TRAF6: variants seen among roughly 807,000 people sequenced by gnomAD.
TRAF6 encodes TNF receptor-associated factor 6.
Under a neutral mutation model 48.4 loss-of-function variants are expected in TRAF6, and 10 were observed. That is an observed-to-expected ratio of 0.21 (90% CI 0.13 to 0.35). TRAF6 has a LOEUF of 0.35. Ranked by LOEUF, TRAF6 falls within the 10% of genes least tolerant of loss-of-function variation. The pLI is 1.00. For synonymous variants in TRAF6, 186 were observed against 219.6 expected (o/e 0.85, Z 1.35); for missense variants, 397 against 661.0 (o/e 0.60, Z 4.38).
At chr11:36,499,620 T>C (rs1308761074) in intron 2 of TRAF6, among the ~76,000 whole-genome samples, 3 of 152,066 alleles carry the variant, frequency 2.0e-5, no homozygotes, top group Non-Finnish European at 4.4e-5. Context: ...AATGTGGAGG[T>C]TGAGAAAAAT....
At position 36,492,599 on chromosome 11, in the gene TRAF6, A is replaced by G; in HGVS notation, c.708T>C (p.Pro236=). 8 of 1,612,456 alleles carry G rather than the reference A, an allele frequency of 5.0e-6. No individual in the cohort carries two copies. The highest frequency in any genetic ancestry group is 6.8e-6 in the Non-Finnish European group (8 of 1,179,576). ...TGAATGTGCATGGAATTGGGGCTGTAGGGCAGTCTAGATCATAATGATTAG... is the reference window on the plus strand; with the variant it reads ...TGAATGTGCATGGAATTGGGGCTGTGGGGCAGTCTAGATCATAATGATTAG... The part of the protein sequence containing the change: ...QMPNHYDLDC[P]TAPIPCTFST... The change falls in exon 6 of 7, where the codon CCT becomes CCC. Residue 236 remains proline, a synonymous_variant. Transcript: ENST00000526995.
chr11:36,492,504 A>ATT, intron 6 of TRAF6, 47 bp downstream of exon 6: 1 of 1,386,202 alleles, frequency 7.2e-7, no homozygotes, highest in Non-Finnish European at 1.0e-6. Flanking sequence ...TGATGTAAAT[A>ATT]TTTTTTTTTA....
rs74767055 is a variant in TRAF6, at chr11:36,508,816, C to T, written c.-23+1232G>A. 2.6e-5 allele frequency among the ~76,000 whole-genome samples: 4 copies of T among 152,306 alleles called. No homozygotes were observed. In the East Asian group the frequency reaches 7.7e-4, roughly 29 times the overall value. On this transcript the variant is annotated intron_variant, in intron 1 of 6. Coordinates refer to ENST00000526995, the MANE Select transcript of TRAF6 (RefSeq NM_004620.4). The stretch of plus-strand genomic sequence containing the variant: ...CCAAATTCAAGGGGCATTCCCCTTC[C>T]TGGGCACTATTTACTCTGCTCCAGG...
At position 36,507,148 on chromosome 11, in the gene TRAF6, GTATATATACATGTATTATACATACATAAA is replaced by G. The variant is rs1264460283; in HGVS notation, c.-23+2871_-23+2899del. Among the ~76,000 whole-genome samples, 60 of 135,842 alleles carry G rather than the reference GTATATATACATGTATTATACATACATAAA, an allele frequency of 4.4e-4. 2 individuals are homozygous for G. The highest frequency in any genetic ancestry group is 1.3e-3 in the African/African-American group (49 of 36,594). 89.1% of individuals were successfully genotyped at this position (135,842 alleles called of 152,430 possible). ...ATTATACATACATAAATGTATATAT[GTATATATACATGTATTATACATACATAAA>G]TGTATATATGTATATATACATGTAT... is the stretch of plus-strand genomic sequence containing the variant. On this transcript the variant is annotated intron_variant, in intron 1 of 6. Coordinates refer to ENST00000526995, the MANE Select transcript of TRAF6 (RefSeq NM_004620.4).
intron 2 of TRAF6, among the ~76,000 whole-genome samples, chr11:36,498,982 CTG>C (rs1859679098): frequency 6.6e-6 from 1 of 152,184 alleles, no homozygotes; most frequent in Non-Finnish European, 1.5e-5. Context: ...AGTCTGGCCT[CTG>C]TGTTGTCACA....
intron 1 of TRAF6, among the ~76,000 whole-genome samples, chr11:36,503,961 C>T (rs900603644): frequency 6.6e-6 from 1 of 152,138 alleles, no homozygotes; most frequent in African/African-American, 2.4e-5. Context: ...TATGTTTACA[C>T]TATACAGTAG....
rs553145419 is a variant in TRAF6 at position 36,494,930 on chromosome 11, CTTT to C, written c.678+43_678+45del. 128 of 1,357,252 alleles carry C rather than the reference CTTT, an allele frequency of 9.4e-5. No homozygotes were observed. The African/African-American group carries it at 1.6e-3, about 16-fold the overall frequency. The allele number at this position is 1,357,252 out of a possible 1,614,324, so 84.1% of individuals were successfully genotyped here. On this transcript the variant is annotated intron_variant, in intron 5 of 6. Transcript: ENST00000526995. ...TTCAATTAAAAAACCTAATTCACTT[CTTT>C]AAGCTGTTTATGAAAATAATAATTT...
intron 1 of TRAF6, among the ~76,000 whole-genome samples, chr11:36,508,207 G>T (rs1280061587): frequency 6.6e-6 from 1 of 151,906 alleles, no homozygotes; most frequent in Non-Finnish European, 1.5e-5. Context: ...AGGAATTAAT[G>T]AAGGGATGGA....
rs1420273404 is a variant in TRAF6, at chr11:36,490,735, T to C, written c.757-85A>G. On this transcript the variant is annotated intron_variant, in intron 6 of 6. Coordinates refer to ENST00000526995, the MANE Select transcript of TRAF6 (RefSeq NM_004620.4). This position sits in a 1 kb window ranked among gnomAD's most constrained non-coding sequence, Gnocchi z 6.4. The stretch of plus-strand genomic sequence containing the variant: ...CCTGGCCAGGTCAAATAAGAAGTTT[T>C]CAAGTAGTCACACCACTTCCCTCAA... 2 of 1,226,832 alleles carry C rather than the reference T, an allele frequency of 1.6e-6. No individual in the cohort carries two copies. The highest frequency in any genetic ancestry group is 2.3e-6 in the Non-Finnish European group (2 of 882,370). The allele number at this position is 1,226,832 out of a possible 1,614,324, so 76.0% of individuals were successfully genotyped here. A position where few individuals can be genotyped will look rare whatever the true frequency, so the allele number is the denominator to read the frequency against.
At chr11:36,494,605 T>C (rs1449043413) in intron 5 of TRAF6, among the ~76,000 whole-genome samples, 2 of 151,756 alleles carry the variant, frequency 1.3e-5, no homozygotes, top group Non-Finnish European at 2.9e-5. Context: ...TCTGGACACT[T>C]GAGATCCTCA....
chr11:36,503,572 G>A (rs5030434), intron 1 of TRAF6, among the ~76,000 whole-genome samples: 613 of 152,226 alleles, frequency 4.0e-3, no homozygotes, highest in African/African-American at 0.014. Context: ...ACGAACCCCC[G>A]AGCCCGGCTG....
intron 1 of TRAF6, 127 bp from the exon 2 acceptor site, chr11:36,501,664 T>C (rs1859718147): frequency 2.9e-6 from 2 of 684,254 alleles, no homozygotes; most frequent in Admixed American, 7.3e-5. Context: ...ATTAATGTTA[T>C]TTACAGAAAA....
rs1564968113 is a variant in TRAF6, at chr11:36,501,137, T to C, written c.296+83A>G. On this transcript the variant is annotated intron_variant, in intron 2 of 6. Coordinates refer to ENST00000526995, the MANE Select transcript of TRAF6 (RefSeq NM_004620.4). Reference sequence around the variant, plus strand: ...TAGCTTTTTATGTGTAAGACTACTTTTGGGATGTTCCATGTTCTATGTAAC... The same window carrying C: ...TAGCTTTTTATGTGTAAGACTACTTCTGGGATGTTCCATGTTCTATGTAAC... 1.3e-5 allele frequency: 17 copies of C among 1,331,308 alleles called. No individual in the cohort carries two copies. In the East Asian group the frequency reaches 2.5e-4, roughly 20 times the overall value. The allele number at this position is 1,331,308 out of a possible 1,614,324, so 82.5% of individuals were successfully genotyped here.
intron 1 of TRAF6, 32 bp from the exon 2 acceptor site, chr11:36,501,569 T>A (rs758211019): frequency 1.0e-4 from 149 of 1,488,924 alleles, no homozygotes; most frequent in Non-Finnish European, 1.3e-4. Flanking sequence ...AATGCCTTTA[T>A]AAGTAACACA....
At chr11:36,509,785 G>A (rs1055698437) in intron 1 of TRAF6, among the ~76,000 whole-genome samples, 3 of 151,120 alleles carry the variant, frequency 2.0e-5, no homozygotes, top group Non-Finnish European at 4.4e-5. Context: ...CAGGAAGCGA[G>A]GGGCAGGGAA....
rs891448167 is a variant in TRAF6 at position 36,486,774 on chromosome 11, C to T, written c.*3064G>A. 6.6e-6 allele frequency among the ~76,000 whole-genome samples: 1 copy of T among 152,086 alleles called. No homozygotes were observed. Among genetic ancestry groups the T allele is most frequent in the Non-Finnish European group, 1.5e-5 (1 of 68,034 alleles). On this transcript the variant is annotated 3_prime_UTR_variant, in exon 7 of 7. Coordinates refer to ENST00000526995, the MANE Select transcript of TRAF6 (RefSeq NM_004620.4). ...TGTTTGCCAACAGCAAAATGTATGA[C>T]GTGCAGCAAGTTTCATCCAACAGTG...
At position 36,501,457 on chromosome 11, in the gene TRAF6, C is replaced by CA. The variant is rs768538902; in HGVS notation, c.58dup (p.Cys20LeufsTer9). The CA allele has an allele frequency of 2.5e-6, 4 of 1,614,076 alleles. No individual in the cohort carries two copies. The highest frequency in any genetic ancestry group is 1.7e-5 in the Admixed American group (1 of 60,006). On this transcript the variant is annotated frameshift_variant, in exon 2 of 7. Coordinates refer to ENST00000526995, the MANE Select transcript of TRAF6 (RefSeq NM_004620.4). LOFTEE classifies it high-confidence loss of function. ...GCTACAGGAGCTGGCCATGGCCACA[C>CA]AGCAGTCACTTTCAGACTGGCTGGA... is the stretch of plus-strand genomic sequence containing the variant.
intron 6 of TRAF6, 47 bp downstream of exon 6, chr11:36,492,503 TA>T (rs767007448): frequency 3.0e-5 from 42 of 1,387,868 alleles, no homozygotes; most frequent in African/African-American, 1.3e-4. Context: ...ATGATGTAAA[TA>T]TTTTTTTTTA....
Position 36,486,249 on chromosome 11 carries a change from G to A in TRAF6, c.*3589C>T, listed in dbSNP as rs1859482066. Among the ~76,000 whole-genome samples, 1 of 152,080 alleles carries A rather than the reference G, an allele frequency of 6.6e-6. No homozygotes were observed. The highest frequency in any genetic ancestry group is 1.5e-5 in the Non-Finnish European group (1 of 68,024). On this transcript the variant is annotated 3_prime_UTR_variant, in exon 7 of 7. Transcript: ENST00000526995. ...AGATGGGGTTTCACCATTTTGGCCAGGCTGGTCTCGAACTCCTGGCTTCAA... is the reference window on the plus strand; with the variant it reads ...AGATGGGGTTTCACCATTTTGGCCAAGCTGGTCTCGAACTCCTGGCTTCAA...
Sources: gnomAD v4.1 joint callset for allele counts (sites outside exome capture counted in the v4.1 genomes callset) on GRCh38, gnomAD v4.1.1 for gene constraint, Gnocchi (gnomAD v3.1) non-coding constraint, MANE v1.5 for transcripts, NCBI Gene and HGNC (gene_info 2026-07-23, HGNC 2026-07-21) for gene names.